The following CALN1 variants were observed in gnomAD, a reference collection of about 807,000 sequenced individuals.
CALN1 encodes calneuron 1.
CALN1 carries 17 observed loss-of-function variants against 30.6 expected under a neutral mutation model. That is an observed-to-expected ratio of 0.56 (90% CI 0.38 to 0.83). The LOEUF (loss-of-function observed/expected upper bound fraction) is 0.83, where lower values mean the gene tolerates loss of function less well. Among genes scored for constraint, CALN1 ranks in the 40% least tolerant of loss-of-function variants. The pLI is 0.00. For synonymous variants in CALN1, 156 were observed against 131.4 expected, an observed-to-expected ratio of 1.19 and a Z score of -1.28; for missense variants, 291 against 354.9, an observed-to-expected ratio of 0.82 and a Z score of 1.45.
chr7:72,334,302 T>C (rs1320586626), intron 2 of CALN1, among the ~76,000 whole-genome samples: 5 of 152,124 alleles, frequency 3.3e-5, no homozygotes, highest in Admixed American at 3.3e-4. Context: ...TACAAGAATG[T>C]GGTAAAAGAC....
At chr7:72,398,404 C>T (rs1454461992) in intron 2 of CALN1, among the ~76,000 whole-genome samples, 1 of 152,224 alleles carries the variant, frequency 6.6e-6, no homozygotes, top group Non-Finnish European at 1.5e-5. Context: ...GCTTTGTCTA[C>T]ACGTTTTCAT....
chr7:71,831,644 G>C (rs1287139294), intron 5 of CALN1, among the ~76,000 whole-genome samples: 1 of 151,758 alleles, frequency 6.6e-6, no homozygotes, highest in Non-Finnish European at 1.5e-5. Context: ...CCAGCACTTT[G>C]GGAGGAGGAG....
chr7:72,286,891 G>T (rs991621878), intron 2 of CALN1, among the ~76,000 whole-genome samples: 1 of 152,174 alleles, frequency 6.6e-6, no homozygotes, highest in Non-Finnish European at 1.5e-5. Flanking sequence ...AGGTGTCTAT[G>T]ACACAGGAAT....
chr7:71,807,346 C>T (rs1370570784), intron 6 of CALN1, among the ~76,000 whole-genome samples: 1 of 152,164 alleles, frequency 6.6e-6, no homozygotes, highest in South Asian at 2.1e-4. Context: ...TTCCTAGACA[C>T]CTCTGCCCAA....
intron 5 of CALN1, among the ~76,000 whole-genome samples, chr7:71,906,814 A>T (rs1794161923): frequency 6.6e-6 from 1 of 152,162 alleles, no homozygotes; most frequent in Non-Finnish European, 1.5e-5. Flanking sequence ...AGCGAGGAGT[A>T]AGACTGGCAG....
intron 4 of CALN1, among the ~76,000 whole-genome samples, chr7:72,032,281 C>T (rs780311352): frequency 9.7e-4 from 147 of 150,804 alleles, no homozygotes; most frequent in Non-Finnish European, 1.3e-3. Context: ...CTCCTGACCT[C>T]GTGATCCGCC....
chr7:72,108,509 T>C (rs1807333285), intron 3 of CALN1, among the ~76,000 whole-genome samples: 1 of 152,214 alleles, frequency 6.6e-6, no homozygotes, highest in Admixed American at 6.5e-5. Flanking sequence ...CTAAAGTGAC[T>C]CCATCTTGGA....
At chr7:72,460,929 A>T in the CALN1 span, among the ~76,000 whole-genome samples, 2 of 152,142 alleles carry the variant, frequency 1.3e-5, no homozygotes, top group Non-Finnish European at 2.9e-5. Context: ...GTTCAGCTCC[A>T]TGGCTCTGAA....
intron 5 of CALN1, among the ~76,000 whole-genome samples, chr7:71,978,840 C>T (rs1328932224): frequency 1.3e-5 from 2 of 152,206 alleles, no homozygotes; most frequent in African/African-American, 4.8e-5. Flanking sequence ...CATAATGAAA[C>T]TGCGGAAAAG....
chr7:72,049,593 T>C (rs1255750126), intron 4 of CALN1, among the ~76,000 whole-genome samples: 2 of 152,248 alleles, frequency 1.3e-5, no homozygotes, highest in East Asian at 1.9e-4. Context: ...CTGCAACCCC[T>C]GCCTCCCAGG....
intron 1 of CALN1, among the ~76,000 whole-genome samples, chr7:72,421,304 C>T (rs888602542): frequency 1.3e-5 from 2 of 152,114 alleles, no homozygotes; most frequent in African/African-American, 2.4e-5. Context: ...TCCATTAGAT[C>T]GCTCTGTATG....
chr7:72,191,953 AT>A (rs1790639963), intron 3 of CALN1, among the ~76,000 whole-genome samples: 1 of 152,064 alleles, frequency 6.6e-6, no homozygotes, highest in Non-Finnish European at 1.5e-5. Flanking sequence ...ATTACCTTTA[AT>A]GGCAAAAAAC....
intron 3 of CALN1, among the ~76,000 whole-genome samples, chr7:72,152,079 G>C (rs980574226): frequency 2.6e-5 from 4 of 151,538 alleles, no homozygotes; most frequent in African/African-American, 9.7e-5. Flanking sequence ...GCTAAGTTTT[G>C]TATTTTAGTA....
chr7:71,855,305 A>G (rs958692544), intron 5 of CALN1, among the ~76,000 whole-genome samples: 1 of 152,160 alleles, frequency 6.6e-6, no homozygotes, highest in Non-Finnish European at 1.5e-5. Flanking sequence ...TCCGTGTTTC[A>G]TGAAGCTTTC....
intron 3 of CALN1, among the ~76,000 whole-genome samples, chr7:72,110,953 C>T (rs1357376291): frequency 6.6e-6 from 1 of 152,072 alleles, no homozygotes; most frequent in Admixed American, 6.5e-5. Flanking sequence ...TGGGCTTTGG[C>T]CACTTTCCCA....
At chr7:72,304,081 G>A (rs1274710147) in intron 2 of CALN1, among the ~76,000 whole-genome samples, 1 of 152,196 alleles carries the variant, frequency 6.6e-6, no homozygotes, top group Non-Finnish European at 1.5e-5. Flanking sequence ...CTGCAAAAAA[G>A]AAGAAAGAAA....
intron 5 of CALN1, among the ~76,000 whole-genome samples, chr7:71,955,433 T>A (rs1288092941): frequency 6.6e-6 from 1 of 152,082 alleles, no homozygotes; most frequent in East Asian, 1.9e-4. Context: ...CATACGTTCC[T>A]TTATTTAAAT....
intron 5 of CALN1, among the ~76,000 whole-genome samples, chr7:71,988,943 T>A (rs185182732): frequency 6.6e-6 from 1 of 152,218 alleles, no homozygotes; most frequent in East Asian, 1.9e-4. Flanking sequence ...AGGCTCACAG[T>A]CCCACAGCAA....
chr7:71,890,420 T>C (rs1466097651), intron 5 of CALN1, among the ~76,000 whole-genome samples: 1 of 152,154 alleles, frequency 6.6e-6, no homozygotes. Context: ...AAAACACTCA[T>C]CTTCCCTTCC....
Sources: gnomAD v4.1 joint callset for allele counts (sites outside exome capture counted in the v4.1 genomes callset) on GRCh38, gnomAD v4.1.1 for gene constraint, MANE v1.5 for transcripts, NCBI Gene and HGNC (gene_info 2026-07-23, HGNC 2026-07-21) for gene names.